The following CSMD1 variants were observed in gnomAD, a reference collection of about 807,000 sequenced individuals.
CSMD1 encodes the protein CUB and Sushi multiple domains 1.
A neutral mutation model predicts 417.5 loss-of-function variants in CSMD1; 213 were observed. That is an observed-to-expected ratio of 0.51 (90% CI 0.46 to 0.57). The LOEUF (loss-of-function observed/expected upper bound fraction) is 0.57. CSMD1 is among the 20% of genes least tolerant of loss of function. The pLI is 0.00. For synonymous variants in CSMD1, 2,862 were observed against 1,736.8 expected (o/e 1.65, Z -16.11); for missense variants, 6,923 against 4,529.7 (o/e 1.53, Z -15.17).
intron 5 of CSMD1, among the ~76,000 whole-genome samples, chr8:3,812,898 G>A (rs774014160): frequency 7.2e-5 from 11 of 152,098 alleles, no homozygotes; most frequent in Non-Finnish European, 1.3e-4. Flanking sequence ...CAGCTCTTTC[G>A]TGGCTGTGAT....
intron 12 of CSMD1, among the ~76,000 whole-genome samples, chr8:3,416,990 T>C (rs1488692884): frequency 6.6e-6 from 1 of 152,252 alleles, no homozygotes; most frequent in Admixed American, 6.5e-5. Context: ...TAGATGACTA[T>C]TGGATTATAT....
At chr8:4,313,343 G>A (rs548273662) in intron 3 of CSMD1, among the ~76,000 whole-genome samples, 4 of 138,206 alleles carry the variant, frequency 2.9e-5, no homozygotes, top group Non-Finnish European at 6.2e-5. Flanking sequence ...TCCATCATGG[G>A]GGTAGCAGAC....
At chr8:3,134,042 G>C (rs769359709) in intron 41 of CSMD1, among the ~76,000 whole-genome samples, 5 of 152,096 alleles carry the variant, frequency 3.3e-5, no homozygotes, top group African/African-American at 4.8e-5. Flanking sequence ...GCCAAGCATG[G>C]TGGCAGGCAC....
chr8:4,593,455 G>A lies in CSMD1; in HGVS notation c.302+43887C>T, dbSNP rs1311891895. 1.3e-5 allele frequency among the ~76,000 whole-genome samples: 2 copies of A among 152,090 alleles called. 1 individual carries two copies. Among genetic ancestry groups the A allele is most frequent in the Non-Finnish European group, 2.9e-5 (2 of 68,020 alleles). On this transcript the variant is annotated intron_variant, in intron 2 of 69. Transcript: ENST00000635120. ...AAATACCCTTAAGCACAGGAGAATG[G>A]CCATTTAGTGAAAGTGAAACATAAA...
chr8:3,909,523 C>G (rs1007728182), intron 5 of CSMD1, among the ~76,000 whole-genome samples: 1 of 152,082 alleles, frequency 6.6e-6, no homozygotes, highest in African/African-American at 2.4e-5. Flanking sequence ...GTTCCCACAG[C>G]GTGGTCGCTC....
chr8:4,530,910 T>C (rs1796783835), intron 2 of CSMD1, among the ~76,000 whole-genome samples: 1 of 152,034 alleles, frequency 6.6e-6, no homozygotes, highest in Non-Finnish European at 1.5e-5. Flanking sequence ...GAACTACAGC[T>C]GAGCTTCGTT....
At chr8:3,730,900 C>A (rs931177) in intron 6 of CSMD1, among the ~76,000 whole-genome samples, 141,924 of 152,124 alleles carry the variant, frequency 0.93, 67,053 homozygotes, top group East Asian at 1. Context: ...ATACGTAGAC[C>A]AATTTGCTGC....
intron 54 of CSMD1, among the ~76,000 whole-genome samples, chr8:2,990,769 T>C (rs1806315195): frequency 6.6e-6 from 1 of 152,142 alleles, no homozygotes; most frequent in Non-Finnish European, 1.5e-5. Flanking sequence ...GAAGCGATGA[T>C]AATCCCCATG....
At chr8:4,732,388 T>A (rs914502172) in intron 1 of CSMD1, among the ~76,000 whole-genome samples, 1 of 130,332 alleles carries the variant, frequency 7.7e-6, no homozygotes, top group Admixed American at 7.9e-5. Context: ...TGTGTAGTGT[T>A]TTTCCCCTGA....
chr8:3,801,148 C>G (rs1226830035), intron 5 of CSMD1, among the ~76,000 whole-genome samples: 4 of 151,854 alleles, frequency 2.6e-5, no homozygotes, highest in Non-Finnish European at 5.9e-5. Flanking sequence ...TTTTCTGCTG[C>G]AAAGGATACC....
chr8:3,503,954 G>T (rs760263111), intron 10 of CSMD1, among the ~76,000 whole-genome samples: 1 of 152,042 alleles, frequency 6.6e-6, no homozygotes. Context: ...GGGTTAGGGC[G>T]TGGACAAGAA....
intron 50 of CSMD1, among the ~76,000 whole-genome samples, chr8:3,039,356 T>G (rs1810921358): frequency 7.0e-6 from 1 of 143,578 alleles, no homozygotes; most frequent in East Asian, 2.0e-4. Flanking sequence ...CCTTCCTTCC[T>G]TCCTCCTTTA....
At chr8:3,992,073 C>T (rs1814791066) in intron 5 of CSMD1, among the ~76,000 whole-genome samples, 1 of 149,906 alleles carries the variant, frequency 6.7e-6, no homozygotes, top group Non-Finnish European at 1.5e-5. Context: ...TATATCCCTA[C>T]ACCTTCAGCT....
At chr8:4,413,052 C>T (rs551022322) in intron 3 of CSMD1, among the ~76,000 whole-genome samples, 3 of 152,104 alleles carry the variant, frequency 2.0e-5, no homozygotes, top group African/African-American at 7.2e-5. Context: ...AATAGACTTA[C>T]AAAATTACGC....
At chr8:4,866,940 T>A (rs1231263015) in intron 1 of CSMD1, among the ~76,000 whole-genome samples, 1 of 152,010 alleles carries the variant, frequency 6.6e-6, no homozygotes, top group African/African-American at 2.4e-5. Context: ...CAATTACTTT[T>A]GCACCAACCT....
intron 30 of CSMD1, among the ~76,000 whole-genome samples, chr8:3,213,602 T>C (rs55980467): frequency 0.26 from 39,097 of 151,962 alleles, 5,363 homozygotes; most frequent in Non-Finnish European, 0.32. Flanking sequence ...TGGGGGGAAA[T>C]GACATATCCA....
At chr8:4,686,528 C>G (rs1410464008) in intron 1 of CSMD1, among the ~76,000 whole-genome samples, 3 of 152,192 alleles carry the variant, frequency 2.0e-5, no homozygotes, top group Non-Finnish European at 4.4e-5. Context: ...AGCGAAGAAC[C>G]TGAGCAAACA....
intron 5 of CSMD1, among the ~76,000 whole-genome samples, chr8:3,928,198 T>G (rs184681128): frequency 6.6e-6 from 1 of 152,198 alleles, no homozygotes; most frequent in African/African-American, 2.4e-5. Flanking sequence ...AGAATGATGT[T>G]AATGTAATAA....
chr8:4,548,253 T>G (rs1797718786), intron 2 of CSMD1, among the ~76,000 whole-genome samples: 1 of 152,176 alleles, frequency 6.6e-6, no homozygotes, highest in African/African-American at 2.4e-5. Flanking sequence ...AAAATGAAGT[T>G]ATCTTTATGA....
Sources: allele counts gnomAD v4.1 joint callset (sites outside exome capture counted in the v4.1 genomes callset), GRCh38; gene constraint gnomAD v4.1.1; transcripts MANE v1.5; gene names NCBI Gene and HGNC (gene_info 2026-07-23, HGNC 2026-07-21).